THRAP3: variants seen among roughly 807,000 people sequenced by gnomAD.
THRAP3 encodes the protein thyroid hormone receptor associated protein 3.
In THRAP3, 16 loss-of-function variants were observed where a neutral mutation model predicts 101.0. That is an observed-to-expected ratio of 0.16 (90% CI 0.11 to 0.24). The LOEUF (loss-of-function observed/expected upper bound fraction) is 0.24, where lower values mean the gene tolerates loss of function less well. Ranked by LOEUF, THRAP3 falls within the 10% of genes least tolerant of loss-of-function variation. The probability of loss-of-function intolerance (pLI) is 1.00; values close to 1 mark genes in which losing one functional copy is unlikely to be tolerated. For missense variants in THRAP3, 989 were observed against 1,202.7 expected, an observed-to-expected ratio of 0.82 and a Z score of 2.63; for synonymous variants, 407 against 422.6, an observed-to-expected ratio of 0.96 and a Z score of 0.45.
chr1:36,253,706 G>T (rs1359984741), intron 1 of THRAP3, among the ~76,000 whole-genome samples: 1 of 149,686 alleles, frequency 6.7e-6, no homozygotes. Flanking sequence ...CGAGCCTCCT[G>T]TCCCAGCTTC....
rs751640563 is a variant in THRAP3, at chr1:36,304,050, A to G, written c.*33A>G. 2.4e-5 allele frequency: 36 copies of G among 1,471,004 alleles called. No individual in the cohort carries two copies. Among genetic ancestry groups the G allele is most frequent in the Admixed American group, 1.6e-4 (6 of 37,076 alleles). 91.1% of individuals were successfully genotyped at this position (1,471,004 alleles called of 1,614,324 possible). ...CCTTGACGGGATTCCTGCCCAGGGG[A>G]GAGAGGCGCTGGGAAGATGGCTGGT... On this transcript the variant is annotated 3_prime_UTR_variant, in exon 12 of 12. Transcript: ENST00000354618.
intron 2 of THRAP3, among the ~76,000 whole-genome samples, chr1:36,267,189 TA>T (rs1392983196): frequency 6.6e-6 from 1 of 152,066 alleles, no homozygotes; most frequent in Non-Finnish European, 1.5e-5. Context: ...CTGCCTATAA[TA>T]AGAATCTTAA....
chr1:36,291,025 T>C (rs1295885360), intron 5 of THRAP3, among the ~76,000 whole-genome samples: 1 of 152,178 alleles, frequency 6.6e-6, no homozygotes, highest in Admixed American at 6.5e-5. Flanking sequence ...TGGGCTCAAG[T>C]GATGCTCCTG....
chr1:36,293,028 C>CTTTTTTTGTTTTTTTTTT (rs1645896961), intron 7 of THRAP3, among the ~76,000 whole-genome samples: 2 of 82,798 alleles, frequency 2.4e-5, no homozygotes, highest in East Asian at 3.8e-4. Context: ...CTTTTCTTGT[C>CTTTTTTTGTTTTTTTTTT]TTTTTTTTTT....
the THRAP3 span, among the ~76,000 whole-genome samples, chr1:36,217,916 G>A: frequency 6.6e-6 from 1 of 152,040 alleles, no homozygotes; most frequent in South Asian, 2.1e-4. Flanking sequence ...CCTACAAAAC[G>A]CTACAATGGC....
intron 1 of THRAP3, among the ~76,000 whole-genome samples, chr1:36,252,455 A>G (rs1405482583): frequency 1.3e-5 from 2 of 152,214 alleles, no homozygotes; most frequent in Non-Finnish European, 2.9e-5. Flanking sequence ...TCTGCACTAA[A>G]TGCATTTGTT....
At chr1:36,301,361 A>T (rs372032277) in intron 10 of THRAP3, among the ~76,000 whole-genome samples, 192 bp from the exon 11 acceptor site, 2 of 152,196 alleles carry the variant, frequency 1.3e-5, no homozygotes, top group Non-Finnish European at 2.9e-5. Flanking sequence ...CCCTTGGGGC[A>T]GGTTTGTCCT....
chr1:36,241,190 T>C (rs1203421504), intron 1 of THRAP3, among the ~76,000 whole-genome samples: 1 of 45,992 alleles, frequency 2.2e-5, no homozygotes, highest in East Asian at 4.1e-4. Flanking sequence ...AAGACTCCGT[T>C]TCAAAAAAAA....
chr1:36,236,807 A>C (rs1356451214), intron 1 of THRAP3, among the ~76,000 whole-genome samples: 1 of 152,252 alleles, frequency 6.6e-6, no homozygotes, highest in African/African-American at 2.4e-5. Flanking sequence ...CTATGCTGAA[A>C]GTAAACAATT....
intron 2 of THRAP3, among the ~76,000 whole-genome samples, chr1:36,271,322 G>T (rs1370230460): frequency 6.6e-6 from 1 of 151,976 alleles, no homozygotes; most frequent in Non-Finnish European, 1.5e-5. Flanking sequence ...TCATTCTGTT[G>T]CCCAGGCTGG....
intron 2 of THRAP3, among the ~76,000 whole-genome samples, chr1:36,276,780 C>T (rs555071772): frequency 4.0e-5 from 6 of 151,484 alleles, no homozygotes; most frequent in African/African-American, 1.5e-4. Context: ...TCACTTGAAC[C>T]GGGGAGGTGG....
intron 8 of THRAP3, among the ~76,000 whole-genome samples, chr1:36,295,954 C>CTTTTTTT (rs575028397): frequency 3.5e-4 from 21 of 60,498 alleles, no homozygotes; most frequent in South Asian, 6.1e-4. Context: ...GCCTTCTCAA[C>CTTTTTTT]TTTTTTTTTT....
At chr1:36,258,255 G>A (rs1425026670) in intron 1 of THRAP3, among the ~76,000 whole-genome samples, 1 of 152,244 alleles carries the variant, frequency 6.6e-6, no homozygotes, top group African/African-American at 2.4e-5. Flanking sequence ...TGAGCCCTCT[G>A]TGCCTCTGGA....
At chr1:36,266,335 AAAC>A (rs532212903) in intron 2 of THRAP3, among the ~76,000 whole-genome samples, 3 of 152,022 alleles carry the variant, frequency 2.0e-5, no homozygotes, top group East Asian at 1.9e-4. Flanking sequence ...CAAAAATGAC[AAAC>A]AACAACAACA....
chr1:36,255,776 A>AG lies in THRAP3; in HGVS notation c.-134-3606_-134-3605insG, dbSNP rs1188237316. ...TGAGGGAGTGAGACTCTGTCTCAAA[A>AG]AAAAAAAAAGAAAAGAAAGAAAGAT... On this transcript the variant is annotated intron_variant, in intron 1 of 11. Coordinates refer to ENST00000354618, the MANE Select transcript of THRAP3 (RefSeq NM_005119.4). Among the ~76,000 whole-genome samples, 8 of 151,720 alleles carry AG rather than the reference A, an allele frequency of 5.3e-5. No individual in the cohort carries two copies. The East Asian group carries it at 1.4e-3, about 26-fold the overall frequency.
chr1:36,270,608 G>A (rs1173436497), intron 2 of THRAP3, among the ~76,000 whole-genome samples: 16 of 109,128 alleles, frequency 1.5e-4, no homozygotes, highest in Admixed American at 5.9e-4. Context: ...ACGGAGTTTC[G>A]CTCTTGTTGC....
chr1:36,209,104 G>A, the THRAP3 span, among the ~76,000 whole-genome samples: 2 of 147,288 alleles, frequency 1.4e-5, no homozygotes, highest in Admixed American at 1.4e-4. Context: ...AGCCTCTCAA[G>A]TAGCTGGAAC....
intron 2 of THRAP3, among the ~76,000 whole-genome samples, chr1:36,261,458 G>T (rs540323986): frequency 6.6e-6 from 1 of 152,058 alleles, no homozygotes; most frequent in Non-Finnish European, 1.5e-5. Context: ...GCGTGAACCC[G>T]GGAGGCGGAG....
chr1:36,273,876 A>C (rs554668528), intron 2 of THRAP3, among the ~76,000 whole-genome samples: 1 of 152,218 alleles, frequency 6.6e-6, no homozygotes, highest in East Asian at 1.9e-4. Flanking sequence ...CCCCATCTCT[A>C]TTAAAAATAA....
Sources: allele counts gnomAD v4.1 joint callset (sites outside exome capture counted in the v4.1 genomes callset), GRCh38; gene constraint gnomAD v4.1.1; transcripts MANE v1.5; gene names NCBI Gene and HGNC (gene_info 2026-07-23, HGNC 2026-07-21).